The following MAPKBP1 variants were observed in gnomAD, a reference collection of about 807,000 sequenced individuals.
MAPKBP1 encodes mitogen-activated protein kinase-binding protein 1.
MAPKBP1 carries 71 observed loss-of-function variants against 170.5 expected under a neutral mutation model. The observed-to-expected ratio is 0.42, with a 90% CI of 0.34 to 0.51. The LOEUF (loss-of-function observed/expected upper bound fraction) is 0.51. Among genes scored for constraint, MAPKBP1 ranks in the 20% least tolerant of loss-of-function variants. The probability of loss-of-function intolerance (pLI) is 0.06; values close to 1 mark genes in which losing one functional copy is unlikely to be tolerated. For missense variants in MAPKBP1, 1,598 were observed against 1,933.0 expected (o/e 0.83, Z 3.25); for synonymous variants, 719 against 757.9 (o/e 0.95, Z 0.84).
In MAPKBP1 at chr15:41,821,043, C is replaced by T. The variant is rs756265926; in HGVS notation, c.2693C>T (p.Ala898Val). The stretch of plus-strand genomic sequence containing the variant: ...GGTCCCAGGAAGCATGGGCAGGAGG[C>T]CCTTGAGACTTCACTCACTAGCCAG... ...PSGPRKHGQE[A>V]LETSLTSQNE... The change falls in exon 23 of 31, where the codon GCC becomes GTC. Residue 898 changes from alanine (A) to valine (V), a missense_variant. This residue lies in a region of MAPKBP1 where 942 missense variants were observed against 953.2 expected (regional missense o/e 0.99). Transcript: ENST00000457542. The T allele has an allele frequency of 9.9e-6, 16 of 1,614,110 alleles. No homozygotes were observed. The highest frequency in any genetic ancestry group is 1.7e-4 in the Middle Eastern group (1 of 6,038).
chr15:41,815,886 A>T lies in MAPKBP1; in HGVS notation c.1493+87A>T, dbSNP rs2064882620. On this transcript the variant is annotated intron_variant, in intron 12 of 30. Coordinates refer to ENST00000457542, the MANE Select transcript of MAPKBP1 (RefSeq NM_014994.3). ...ACTTTAGGGAGGGTTTGGCTCAAAA[A>T]GATTGGGCAACAAGATACTTATTTA... is the stretch of plus-strand genomic sequence containing the variant. 5.8e-6 allele frequency: 8 copies of T among 1,371,556 alleles called. No homozygotes were observed. The South Asian group carries it at 1.1e-4, about 19-fold the overall frequency. 85.0% of individuals were successfully genotyped at this position (1,371,556 alleles called of 1,614,324 possible). A position where few individuals can be genotyped will look rare whatever the true frequency, so the allele number is the denominator to read the frequency against.
intron 3 of MAPKBP1, among the ~76,000 whole-genome samples, chr15:41,802,023 C>T (rs1455996243): frequency 6.6e-6 from 1 of 152,096 alleles, no homozygotes; most frequent in Non-Finnish European, 1.5e-5. Flanking sequence ...TACTACATAC[C>T]TAGGCTACAT....
At chr15:41,789,147 T>A (rs1414804278) in intron 2 of MAPKBP1, among the ~76,000 whole-genome samples, 1 of 152,208 alleles carries the variant, frequency 6.6e-6, no homozygotes, top group African/African-American at 2.4e-5. Flanking sequence ...ATATTCTCAC[T>A]GGTTACAAAA....
At chr15:41,797,315 A>G (rs1030611851) in intron 2 of MAPKBP1, among the ~76,000 whole-genome samples, 6 of 152,214 alleles carry the variant, frequency 3.9e-5, no homozygotes, top group Non-Finnish European at 7.3e-5. Context: ...TCAGATTACC[A>G]GGAGAAAATA....
rs377749784 is a variant in MAPKBP1 at position 41,825,242 on chromosome 15, A to T, written c.4333A>T (p.Ser1445Cys). 6 of 1,600,230 alleles carry T rather than the reference A, an allele frequency of 3.7e-6. No individual in the cohort carries two copies. The highest frequency in any genetic ancestry group is 1.7e-6 in the Non-Finnish European group (2 of 1,169,244). ...AGCKMPSAEQ[S>C]RIAQLLRDTF... is the part of the protein sequence containing the mutation. ...CTGCAAGATGCCCTCAGCAGAGCAA[A>T]GTCGGATTGCCCAGCTCCTCAGAGA... The change falls in exon 31 of 31, where the codon AGT (serine) becomes TGT (cysteine). Residue 1445 changes from serine to cysteine, a missense_variant. By Grantham distance (112) the Ser-to-Cys change is moderately radical. Around this residue, in one of 6 missense-constraint regions of MAPKBP1, gnomAD observed 942 missense variants for 953.2 expected, o/e 0.99. Transcript: ENST00000457542.
chr15:41,815,175 TCGTCCCA>T, intron 10 of MAPKBP1, 77 bp from the exon 11 acceptor site: 3 of 1,536,138 alleles, frequency 2.0e-6, no homozygotes, highest in African/African-American at 1.4e-5. Context: ...ATTCCCTTTT[TCGTCCCA>T]TTCCCTTCCA....
intron 5 of MAPKBP1, 151 bp from the exon 6 acceptor site, chr15:41,811,806 A>AT: frequency 1.3e-6 from 1 of 783,874 alleles, no homozygotes; most frequent in Admixed American, 2.0e-5. Context: ...GATCTTTATC[A>AT]TATTTCCTCT....
chr15:41,801,230 C>T (rs2064587790), intron 3 of MAPKBP1, among the ~76,000 whole-genome samples: 1 of 152,178 alleles, frequency 6.6e-6, no homozygotes, highest in Non-Finnish European at 1.5e-5. Flanking sequence ...AGATCAGTGC[C>T]ATAGAAGAGA....
intron 3 of MAPKBP1, among the ~76,000 whole-genome samples, chr15:41,808,192 C>T (rs1182854606): frequency 8.7e-5 from 13 of 149,638 alleles, no homozygotes; most frequent in African/African-American, 1.2e-4. Flanking sequence ...CTGCAAGCTC[C>T]GCCTCCTGGG....
rs1033525847 is a variant in MAPKBP1 at position 41,799,920 on chromosome 15, T to G, written c.206+6T>G. On this transcript the variant is annotated splice_donor_region_variant and intron_variant, in intron 3 of 30. Transcript: ENST00000457542. ...TTAGTTGCTTACCCAGCAGGGTAAG[T>G]AAGCGCCTTGGAAGAGATCTTGATG... The G allele has an allele frequency of 6.2e-7, 1 of 1,613,008 alleles. No individual in the cohort carries two copies. Among genetic ancestry groups the G allele is most frequent in the Admixed American group, 1.7e-5 (1 of 60,026 alleles).
intron 11 of MAPKBP1, 70 bp from the exon 12 acceptor site, chr15:41,815,554 A>G: frequency 6.4e-7 from 1 of 1,562,740 alleles, no homozygotes; most frequent in Non-Finnish European, 8.7e-7. Context: ...TGTTTTGCTC[A>G]GCTTTCTTGC....
At chr15:41,810,831 C>G (rs752218974) in intron 3 of MAPKBP1, 52 bp from the exon 4 acceptor site, 2 of 1,574,968 alleles carry the variant, frequency 1.3e-6, no homozygotes, top group Non-Finnish European at 1.7e-6. Flanking sequence ...CTGGAGGGCT[C>G]CTGGGGGAGC....
intron 2 of MAPKBP1, among the ~76,000 whole-genome samples, chr15:41,782,312 A>G (rs761741246): frequency 7.9e-5 from 12 of 151,856 alleles, no homozygotes; most frequent in Non-Finnish European, 1.6e-4. Context: ...AGAGTGTACA[A>G]ATATAATATT....
At chr15:41,821,523 C>G in intron 23 of MAPKBP1, 61 bp from the exon 24 acceptor site, 1 of 1,550,556 alleles carries the variant, frequency 6.4e-7, no homozygotes, top group Non-Finnish European at 8.8e-7. Flanking sequence ...GGCTTACCCC[C>G]CAGCTACCAC....
chr15:41,804,254 T>C (rs1027507225), intron 3 of MAPKBP1, among the ~76,000 whole-genome samples: 1 of 152,234 alleles, frequency 6.6e-6, no homozygotes, highest in Non-Finnish European at 1.5e-5. Context: ...CTTCTGCCCC[T>C]GGGTTTGGGG....
In MAPKBP1 at chr15:41,786,777, A is replaced by AAAAAAAAAAAAATATATATAT; in HGVS notation, c.114+11389_114+11390insAAAAAAAAAAATATATATATA. Among the ~76,000 whole-genome samples the AAAAAAAAAAAAATATATATAT allele has an allele frequency of 1.8e-3, 58 of 32,362 alleles. 1 individual carries two copies. The highest frequency in any genetic ancestry group is 2.7e-3 in the Non-Finnish European group (49 of 17,942). 21.2% of individuals were successfully genotyped at this position (32,362 alleles called of 152,430 possible). A position where few individuals can be genotyped will look rare whatever the true frequency, so the allele number is the denominator to read the frequency against. ...CAGACTCCGTCTAAAAAAAAAAAAA[A>AAAAAAAAAAAAATATATATAT]ATATATATATATATATATATATATA... On this transcript the variant is annotated intron_variant, in intron 2 of 30. Coordinates refer to ENST00000457542, the MANE Select transcript of MAPKBP1 (RefSeq NM_014994.3).
In MAPKBP1 at chr15:41,822,982, C is replaced by T. The variant is rs934166132; in HGVS notation, c.3358C>T (p.Pro1120Ser). 4.3e-6 allele frequency: 7 copies of T among 1,613,882 alleles called. No homozygotes were observed. The highest frequency in any genetic ancestry group is 2.2e-5 in the South Asian group (2 of 91,050). The change falls in exon 28 of 31, where the codon CCA becomes TCA. Residue 1120 changes from proline (P) to serine (S), a missense_variant. Transcript: ENST00000457542. ...SSSSLALMSR[P>S]AQVPQASGEQ... ...CTCAAGCCTGGCACTGATGTCGAGA[C>T]CAGCCCAGGTGCCACAGGCATCTGG...
chr15:41,819,133 C>G lies in MAPKBP1; in HGVS notation c.2292-113C>G. The G allele has an allele frequency of 3.4e-6, 5 of 1,449,390 alleles. No individual in the cohort carries two copies. In the South Asian group the frequency reaches 6.3e-5, roughly 18 times the overall value. 89.8% of individuals were successfully genotyped at this position (1,449,390 alleles called of 1,614,324 possible). A position where few individuals can be genotyped will look rare whatever the true frequency, so the allele number is the denominator to read the frequency against. ...TCCCCCTGTTGAGTCTCCTCTCCCC[C>G]TATTGAGTCTCATCTTCCCCTCATT... On this transcript the variant is annotated intron_variant, in intron 20 of 30. Coordinates refer to ENST00000457542, the MANE Select transcript of MAPKBP1 (RefSeq NM_014994.3).
intron 30 of MAPKBP1, 40 bp from the exon 31 acceptor site, chr15:41,825,169 G>T: frequency 6.6e-7 from 1 of 1,518,142 alleles, no homozygotes; most frequent in South Asian, 1.3e-5. Flanking sequence ...TATGTCTGTT[G>T]ACAGGCTCCT....
Sources: gnomAD v4.1 joint callset for allele counts (sites outside exome capture counted in the v4.1 genomes callset) on GRCh38, gnomAD v4.1.1 for gene constraint, gnomAD v4.1.1 regional missense constraint, MANE v1.5 for transcripts, NCBI Gene and HGNC (gene_info 2026-07-23, HGNC 2026-07-21) for gene names.